Variants in RADIL observed in about 807,000 individuals in gnomAD.
The protein encoded by RADIL is Rap associating with DIL domain, also known as ras-associating and dilute domain-containing protein.
Under a neutral mutation model 97.6 loss-of-function variants are expected in RADIL, and 99 were observed. The observed-to-expected ratio is 1.01, with a 90% CI of 0.86 to 1.20. RADIL has a LOEUF of 1.20. RADIL is among the 50% of genes most tolerant of loss of function. RADIL has a pLI of 0.00. For synonymous variants in RADIL, 803 were observed against 691.8 expected (o/e 1.16, Z -2.52); for missense variants, 1,765 against 1,498.9 (o/e 1.18, Z -2.93).
intron 12 of RADIL, among the ~76,000 whole-genome samples, chr7:4,800,522 G>C (rs1372152984): frequency 6.6e-6 from 1 of 152,232 alleles, no homozygotes; most frequent in African/African-American, 2.4e-5. Flanking sequence ...TTCCCTGAGG[G>C]AGCACCTCAG....
At chr7:4,855,020 C>T (rs1783793402) in intron 2 of RADIL, among the ~76,000 whole-genome samples, 1 of 152,134 alleles carries the variant, frequency 6.6e-6, no homozygotes, top group South Asian at 2.1e-4. Context: ...ATTTTGAAAC[C>T]TTATGTAAAT....
At chr7:4,823,740 G>A (rs1782898760) in intron 5 of RADIL, among the ~76,000 whole-genome samples, 1 of 152,218 alleles carries the variant, frequency 6.6e-6, no homozygotes, top group African/African-American at 2.4e-5. Flanking sequence ...CCAGCCGCAG[G>A]ATGTGTCTGT....
chr7:4,804,477 T>C (rs1211532053), intron 10 of RADIL, among the ~76,000 whole-genome samples: 1 of 152,170 alleles, frequency 6.6e-6, no homozygotes, highest in Non-Finnish European at 1.5e-5. Flanking sequence ...GAGATGTGTG[T>C]ATAATCTACA....
At position 4,817,476 on chromosome 7, in the gene RADIL, T is replaced by C. The variant is rs1782707399; in HGVS notation, c.1616-125A>G. 9 of 745,976 alleles carry C rather than the reference T, an allele frequency of 1.2e-5. No individual in the cohort carries two copies. In the East Asian group the frequency reaches 2.3e-4, roughly 19 times the overall value. 46.2% of individuals were successfully genotyped at this position (745,976 alleles called of 1,614,324 possible). On this transcript the variant is annotated intron_variant, in intron 6 of 14. Transcript: ENST00000399583. This position sits in a 1 kb window ranked among gnomAD's most constrained non-coding sequence, Gnocchi z 8.3. ...CCAACGCGCCCATCTGGGGTCCAGA[T>C]GCGATAAACTGGCCGAGGGACTCTG...
chr7:4,808,096 T>C (rs1782403164), intron 9 of RADIL, among the ~76,000 whole-genome samples: 1 of 88,332 alleles, frequency 1.1e-5, no homozygotes, highest in African/African-American at 5.6e-5. Flanking sequence ...TCCCTCCTCC[T>C]TCTTCCTCTC....
Position 4,860,935 on chromosome 7 carries a change from T to C in RADIL, c.535+16670A>G, listed in dbSNP as rs761431237. 6.2e-6 allele frequency: 10 copies of C among 1,614,116 alleles called. No homozygotes were observed. The East Asian group carries it at 1.1e-4, about 18-fold the overall frequency. ...ATACAGGCAAATTAAGATTCCGTTC[T>C]TCAGGCTCCTTCAGTAACACTGGGT... On this transcript the variant is annotated intron_variant, in intron 2 of 14. Transcript: ENST00000399583.
rs1001361727 is a variant in RADIL at position 4,822,470 on chromosome 7, G to A, written c.1539C>T (p.Ser513=). Residue 513 remains serine, a synonymous_variant, in exon 6 of 15, where the codon TCC becomes TCT. Coordinates refer to ENST00000399583, the MANE Select transcript of RADIL (RefSeq NM_018059.5). The surrounding 1 kb of genome is among the most constrained non-coding windows in gnomAD (Gnocchi z 5.3). ...GCTGGATAAAGTACAGGAGCTCGAT[G>A]GAGTTAGACATCCAGAAAAGAATGG... is the stretch of plus-strand genomic sequence containing the variant. ...LQPILFWMSN[S]IELLYFIQQK... is the part of the protein sequence containing the mutation. The A allele has an allele frequency of 2.5e-5, 41 of 1,612,944 alleles. No homozygotes were observed. The highest frequency in any genetic ancestry group is 3.5e-5 in the Non-Finnish European group (41 of 1,179,978).
chr7:4,878,707 G>A lies in RADIL; in HGVS notation c.-64-504C>T, dbSNP rs1784422510. Among the ~76,000 whole-genome samples, 1 of 152,252 alleles carries A rather than the reference G, an allele frequency of 6.6e-6. No homozygotes were observed. On this transcript the variant is annotated intron_variant, in intron 1 of 14. Coordinates refer to ENST00000399583, the MANE Select transcript of RADIL (RefSeq NM_018059.5). The surrounding 1 kb of genome is among the most constrained non-coding windows in gnomAD (Gnocchi z 4.1). Reference sequence around the variant, plus strand: ...AGCCATTACTGGGAAACACAATGAGGTCGCCTAAGTAAGACACGCTCCGCT... The same window carrying A: ...AGCCATTACTGGGAAACACAATGAGATCGCCTAAGTAAGACACGCTCCGCT...
Position 4,799,081 on chromosome 7 carries a change from T to G in RADIL, c.*297A>C. 1 of 373,062 alleles carries G rather than the reference T, an allele frequency of 2.7e-6. No homozygotes were observed. The highest frequency in any genetic ancestry group is 2.7e-5 in the South Asian group (1 of 37,280). The allele number at this position is 373,062 out of a possible 1,614,324, so 23.1% of individuals were successfully genotyped here. The stretch of plus-strand genomic sequence containing the variant: ...GAGCAGCCCACGCCTGCTGCCCGAG[T>G]TGAGACCCCAGCAGGGCACCCTCTA... On this transcript the variant is annotated 3_prime_UTR_variant, in exon 15 of 15. Coordinates refer to ENST00000399583, the MANE Select transcript of RADIL (RefSeq NM_018059.5).
chr7:4,816,528 G>A (rs1353086706), intron 7 of RADIL, 63 bp from the exon 8 acceptor site: 20 of 1,403,766 alleles, frequency 1.4e-5, no homozygotes, highest in Non-Finnish European at 2.0e-5. Context: ...CCGAACGGGG[G>A]GCCTGACCCA....
chr7:4,871,843 A>G (rs1485352113), intron 2 of RADIL, among the ~76,000 whole-genome samples: 2 of 152,172 alleles, frequency 1.3e-5, no homozygotes, highest in African/African-American at 4.8e-5. Flanking sequence ...TTCAGTCAAA[A>G]GCCCAGTGAG....
At position 4,799,541 on chromosome 7, in the gene RADIL, G is replaced by T. The variant is rs1583252373; in HGVS notation, c.3123-58C>A. 25 of 1,612,594 alleles carry T rather than the reference G, an allele frequency of 1.6e-5. No individual in the cohort carries two copies. In the East Asian group the frequency reaches 5.3e-4, roughly 35 times the overall value. ...GAGGGCACCAGGGGAGACCCACAGG[G>T]TGCAGCCGGGCCTCTCCTTTACCCC... On this transcript the variant is annotated intron_variant, in intron 14 of 14. Coordinates refer to ENST00000399583, the MANE Select transcript of RADIL (RefSeq NM_018059.5).
intron 1 of RADIL, among the ~76,000 whole-genome samples, chr7:4,881,535 T>G (rs1231355646): frequency 6.6e-6 from 1 of 151,718 alleles, no homozygotes; most frequent in Admixed American, 6.6e-5. Flanking sequence ...AAGACCAGCC[T>G]GGCCAACATG....
chr7:4,839,465 T>A (rs1486070120), intron 2 of RADIL, among the ~76,000 whole-genome samples: 1 of 152,144 alleles, frequency 6.6e-6, no homozygotes, highest in Non-Finnish European at 1.5e-5. Context: ...CACAGTGCGT[T>A]TACCACATGG....
intron 2 of RADIL, chr7:4,865,424 T>G (rs10235512): frequency 0.082 from 55,037 of 673,654 alleles, 2,676 homozygotes; most frequent in African/African-American, 0.12. Context: ...TTCAGATAAA[T>G]GGAATTTAAT....
intron 2 of RADIL, chr7:4,858,217 G>A (rs1199503858): frequency 6.6e-6 from 1 of 152,166 alleles, no homozygotes; most frequent in Non-Finnish European, 1.5e-5. Context: ...AATTAATGCA[G>A]GACAGGAAAA....
In RADIL at chr7:4,840,222, C is replaced by A. The variant is rs1783406531; in HGVS notation, c.536-3617G>T. The stretch of plus-strand genomic sequence containing the variant: ...GGGGCCGACATGGCCTCCCAAGTTC[C>A]CATAGAGAGAGCTGCAATCGTGCCC... On this transcript the variant is annotated intron_variant, in intron 2 of 14. Transcript: ENST00000399583. This position sits in a 1 kb window ranked among gnomAD's most constrained non-coding sequence, Gnocchi z 5.6. Among the ~76,000 whole-genome samples, 1 of 152,090 alleles carries A rather than the reference C, an allele frequency of 6.6e-6. No homozygotes were observed. Among genetic ancestry groups the A allele is most frequent in the African/African-American group, 2.4e-5 (1 of 41,414 alleles).
chr7:4,834,559 T>G lies in RADIL; in HGVS notation c.1416+48A>C, dbSNP rs1783240037. 2 of 1,299,542 alleles carry G rather than the reference T, an allele frequency of 1.5e-6. No individual in the cohort carries two copies. The highest frequency in any genetic ancestry group is 3.0e-5 in the African/African-American group (2 of 65,628). The allele number at this position is 1,299,542 out of a possible 1,614,324, so 80.5% of individuals were successfully genotyped here. On this transcript the variant is annotated intron_variant, in intron 4 of 14. Transcript: ENST00000399583. The surrounding 1 kb of genome is among the most constrained non-coding windows in gnomAD (Gnocchi z 6.0). ...CCGGGGCCAGCTCCGGGCCCCCTCT[T>G]CCCCCAGACCGGCACAGGACCCAGA...
At position 4,799,736 on chromosome 7, in the gene RADIL, G is replaced by C. The variant is rs1282108739; in HGVS notation, c.3016C>G (p.Gln1006Glu). ...THLGAPGLYI[Q>E]TLLPGSPAAA... is the part of the protein sequence containing the mutation. ...GCGGGGCTGCCCGGGAGCAGGGTCT[G>C]GATGTAGAGCCCGGGGGCGCCCAGG... Residue 1006 changes from glutamine to glutamate, a missense_variant, in exon 14 of 15, where the codon CAG becomes GAG. Physicochemically the swap from Gln to Glu is conservative, Grantham distance 29. Coordinates refer to ENST00000399583, the MANE Select transcript of RADIL (RefSeq NM_018059.5). 4.5e-6 allele frequency: 7 copies of C among 1,558,276 alleles called. No individual in the cohort carries two copies. The highest frequency in any genetic ancestry group is 5.2e-6 in the Non-Finnish European group (6 of 1,155,814).
Sources: gnomAD v4.1 joint callset for allele counts (sites outside exome capture counted in the v4.1 genomes callset) on GRCh38, gnomAD v4.1.1 for gene constraint, Gnocchi (gnomAD v3.1) non-coding constraint, MANE v1.5 for transcripts, NCBI Gene and HGNC (gene_info 2026-07-23, HGNC 2026-07-21) for gene names.